PTMS: variants seen among roughly 807,000 people sequenced by gnomAD.
PTMS encodes parathymosin.
A neutral mutation model predicts 18.4 loss-of-function variants in PTMS; 5 were observed. The observed-to-expected ratio is 0.27, with a 90% CI of 0.14 to 0.57. The LOEUF (loss-of-function observed/expected upper bound fraction) is 0.57. Ranked by LOEUF, PTMS falls within the 20% of genes least tolerant of loss-of-function variation. The probability of loss-of-function intolerance (pLI) is 0.92; values close to 1 mark genes in which losing one functional copy is unlikely to be tolerated. For missense variants in PTMS, 93 were observed against 124.6 expected, an observed-to-expected ratio of 0.75 and a Z score of 1.21; for synonymous variants, 53 against 47.7, an observed-to-expected ratio of 1.11 and a Z score of -0.46.
rs780541728 is a variant in PTMS at position 6,770,265 on chromosome 12, G to A, written c.258+47G>A. 8 of 1,611,926 alleles carry A rather than the reference G, an allele frequency of 5.0e-6. No individual in the cohort carries two copies. The highest frequency in any genetic ancestry group is 3.3e-5 in the Admixed American group (2 of 60,022). Reference sequence around the variant, plus strand: ...CTGAGGGGCTGTCAGGGATGCAGCCGGGCTGGGCGCCCTTTGGATTTGGAC... The same window carrying A: ...CTGAGGGGCTGTCAGGGATGCAGCCAGGCTGGGCGCCCTTTGGATTTGGAC... On this transcript the variant is annotated intron_variant, in intron 4 of 4. Transcript: ENST00000309083. The surrounding 1 kb of genome is among the most constrained non-coding windows in gnomAD (Gnocchi z 7.3).
chr12:6,770,189 C>G lies in PTMS; in HGVS notation c.229C>G (p.Pro77Ala), dbSNP rs201009829. The change falls in exon 4 of 5, where the codon CCC (proline) becomes GCC (alanine). Residue 77 changes from proline to alanine, a missense_variant. Transcript: ENST00000309083. The surrounding 1 kb of genome is among the most constrained non-coding windows in gnomAD (Gnocchi z 7.3). ...AGAAGAAGAAGAGGATGATGAAGGG[C>G]CCGCGCTGAAGAGAGCTGCCGAAGA... is the stretch of plus-strand genomic sequence containing the variant. ...EEEEEEDDEG[P>A]ALKRAAEEED... The G allele has an allele frequency of 8.1e-6, 13 of 1,614,144 alleles. No homozygotes were observed. In the African/African-American group the frequency reaches 1.6e-4, roughly 20 times the overall value.
rs1405768095 is a variant in PTMS at position 6,770,351 on chromosome 12, C to T, written c.259-41C>T. 5.0e-6 allele frequency: 8 copies of T among 1,612,434 alleles called. No individual in the cohort carries two copies. The highest frequency in any genetic ancestry group is 6.8e-6 in the Non-Finnish European group (8 of 1,178,546). ...AGGACCGGGACAGGGGGAGGTCTCC[C>T]CTCCCATTTTACAGCTCCCCCATTC... On this transcript the variant is annotated intron_variant, in intron 4 of 4. Transcript: ENST00000309083. The surrounding 1 kb of genome is among the most constrained non-coding windows in gnomAD (Gnocchi z 7.3).
chr12:6,766,575 G>A lies in PTMS; in HGVS notation c.-131G>A, dbSNP rs1469557086. 7.9e-6 allele frequency: 3 copies of A among 377,624 alleles called. No homozygotes were observed. Among genetic ancestry groups the A allele is most frequent in the Non-Finnish European group, 1.2e-5 (3 of 248,238 alleles). 23.4% of individuals were successfully genotyped at this position (377,624 alleles called of 1,614,324 possible). On this transcript the variant is annotated 5_prime_UTR_variant, in exon 1 of 5. Coordinates refer to ENST00000309083, the MANE Select transcript of PTMS (RefSeq NM_002824.6). ...AGACCCAGCTTGCCGAGCGGCCGCC[G>A]CTGCCGCTGTCGCCGCCGCCGCCGC...
At chr12:6,766,805 G>T (rs1261829679) in intron 1 of PTMS, 55 bp downstream of exon 1, 1 of 1,034,142 alleles carries the variant, frequency 9.7e-7, no homozygotes, top group African/African-American at 1.7e-5. Context: ...GGCCCGGCGC[G>T]GTCCTTCGCC....
At position 6,770,552 on chromosome 12, in the gene PTMS, C is replaced by A; in HGVS notation, c.*110C>A. Reference sequence around the variant, plus strand: ...TGGCTCCCTGCTCTGGGCCCTGCACCAGAGCTGCCACCCTCTTCTTTCTCC... The same window carrying A: ...TGGCTCCCTGCTCTGGGCCCTGCACAAGAGCTGCCACCCTCTTCTTTCTCC... On this transcript the variant is annotated 3_prime_UTR_variant, in exon 5 of 5. Coordinates refer to ENST00000309083, the MANE Select transcript of PTMS (RefSeq NM_002824.6). The surrounding 1 kb of genome is among the most constrained non-coding windows in gnomAD (Gnocchi z 7.3). 1 of 1,275,084 alleles carries A rather than the reference C, an allele frequency of 7.8e-7. No homozygotes were observed. The highest frequency in any genetic ancestry group is 1.1e-6 in the Non-Finnish European group (1 of 881,386). 79.0% of individuals were successfully genotyped at this position (1,275,084 alleles called of 1,614,324 possible).
At chr12:6,766,887 C>G in intron 1 of PTMS, 137 bp downstream of exon 1, 1 of 449,660 alleles carries the variant, frequency 2.2e-6, no homozygotes, top group Non-Finnish European at 3.0e-6. Flanking sequence ...GCCCTCCCAC[C>G]GCTCCCCGGC....
At position 6,769,640 on chromosome 12, in the gene PTMS, C is replaced by A; in HGVS notation, c.83C>A (p.Ala28Glu). Residue 28 changes from alanine (A) to glutamate (E), a missense_variant, in exon 2 of 5, where the codon GCA becomes GAA. Ala to Glu is a moderately radical substitution (Grantham distance 107). Transcript: ENST00000309083. Reference sequence around the variant, plus strand: ...AAGAAGGAGAAGGTGGAGGAGAAGGCAAGCCGGAAAGAGCGAAAGAAAGAA... The same window carrying A: ...AAGAAGGAGAAGGTGGAGGAGAAGGAAAGCCGGAAAGAGCGAAAGAAAGAA... ...KEKKEKVEEK[A>E]SRKERKKEVV... is the part of the protein sequence containing the mutation. 6.2e-7 allele frequency: 1 copy of A among 1,613,860 alleles called. No homozygotes were observed. The highest frequency in any genetic ancestry group is 1.1e-5 in the South Asian group (1 of 91,074).
Position 6,766,443 on chromosome 12 carries a change from C to A in PTMS, c.-263C>A. ...CTACCGCGGCCGAGCGCGCCGGCCA[C>A]CGCCTGCACCGCCCTTCCGCCCGCC... On this transcript the variant is annotated 5_prime_UTR_variant, in exon 1 of 5. Transcript: ENST00000309083. 4.8e-6 allele frequency: 1 copy of A among 209,432 alleles called. No individual in the cohort carries two copies. The highest frequency in any genetic ancestry group is 9.5e-6 in the Non-Finnish European group (1 of 105,120). The allele number at this position is 209,432 out of a possible 1,614,324, so 13.0% of individuals were successfully genotyped here.
chr12:6,766,520 C>A lies in PTMS; in HGVS notation c.-186C>A. The stretch of plus-strand genomic sequence containing the variant: ...CTCCGCTCCAGACCCACCCCCGCCC[C>A]ACCCCGCGCGCCTCTGCCGCCTCTT... On this transcript the variant is annotated 5_prime_UTR_variant, in exon 1 of 5. Transcript: ENST00000309083. 3.9e-6 allele frequency: 1 copy of A among 256,080 alleles called. No homozygotes were observed. The highest frequency in any genetic ancestry group is 3.6e-5 in the South Asian group (1 of 27,578). The allele number at this position is 256,080 out of a possible 1,614,324, so 15.9% of individuals were successfully genotyped here.
At chr12:6,767,535 G>A (rs1941783128) in intron 1 of PTMS, 1 of 148,486 alleles carries the variant, frequency 6.7e-6, no homozygotes. Context: ...GTGTCGCTTT[G>A]GGAAATTAAC....
At position 6,769,302 on chromosome 12, in the gene PTMS, C is replaced by T. The variant is rs565223516; in HGVS notation, c.46-301C>T. 6.9e-6 allele frequency: 3 copies of T among 435,878 alleles called. No homozygotes were observed. In the South Asian group the frequency reaches 7.5e-5, roughly 11 times the overall value. The allele number at this position is 435,878 out of a possible 1,614,324, so 27.0% of individuals were successfully genotyped here. ...AGGATTTGCTTTGCTGAGCTGAACT[C>T]TTCAGCCAGTGAGGTTTGGGAGAAC... On this transcript the variant is annotated intron_variant, in intron 1 of 4. Coordinates refer to ENST00000309083, the MANE Select transcript of PTMS (RefSeq NM_002824.6).
chr12:6,766,775 C>G lies in PTMS; in HGVS notation c.45+25C>G, dbSNP rs1001362615. On this transcript the variant is annotated intron_variant, in intron 1 of 4. Transcript: ENST00000309083. ...GGTACGGGCGGGGGCGGCGGCGGCC[C>G]GGACCTCGCGCAGCCCTGGGGCCCG... 150 of 1,060,572 alleles carry G rather than the reference C, an allele frequency of 1.4e-4. 1 individual carries two copies. In the East Asian group the frequency reaches 7.8e-3, roughly 55 times the overall value. The allele number at this position is 1,060,572 out of a possible 1,614,324, so 65.7% of individuals were successfully genotyped here.
At position 6,766,736 on chromosome 12, in the gene PTMS, G is replaced by A; in HGVS notation, c.31G>A (p.Glu11Lys). Residue 11 changes from glutamate to lysine, a missense_variant, in exon 1 of 5, where the codon GAG (glutamate) becomes AAG (lysine). By Grantham distance (56) the Glu-to-Lys change is moderately conservative. Coordinates refer to ENST00000309083, the MANE Select transcript of PTMS (RefSeq NM_002824.6). ...GGAGAAAAGCGTGGAGGCAGCGGCCGAGTTGAGCGCCAAGGTACGGGCGGG... is the reference window on the plus strand; with the variant it reads ...GGAGAAAAGCGTGGAGGCAGCGGCCAAGTTGAGCGCCAAGGTACGGGCGGG... MSEKSVEAAA[E>K]LSAKDLKEKK... 1 of 1,096,400 alleles carries A rather than the reference G, an allele frequency of 9.1e-7. No homozygotes were observed. Among genetic ancestry groups the A allele is most frequent in the Non-Finnish European group, 1.1e-6 (1 of 902,152 alleles). 67.9% of individuals were successfully genotyped at this position (1,096,400 alleles called of 1,614,324 possible). A position where few individuals can be genotyped will look rare whatever the true frequency, so the allele number is the denominator to read the frequency against.
At position 6,770,450 on chromosome 12, in the gene PTMS, C is replaced by T; in HGVS notation, c.*8C>T. ...AATGGGGCATCGGCGTGAGCCCCTG[C>T]CAACAGGCTGGGGTTGGGAGGCCTC... On this transcript the variant is annotated 3_prime_UTR_variant, in exon 5 of 5. Transcript: ENST00000309083. This position sits in a 1 kb window ranked among gnomAD's most constrained non-coding sequence, Gnocchi z 7.3. 1 of 1,613,346 alleles carries T rather than the reference C, an allele frequency of 6.2e-7. No homozygotes were observed. The highest frequency in any genetic ancestry group is 1.1e-5 in the South Asian group (1 of 91,044).
chr12:6,766,908 T>C (rs1411158627), intron 1 of PTMS, among the ~76,000 whole-genome samples, 158 bp downstream of exon 1: 2 of 146,786 alleles, frequency 1.4e-5, no homozygotes, highest in Non-Finnish European at 3.0e-5. Flanking sequence ...CCGGAGCTCC[T>C]TTCCCGGCTC....
chr12:6,770,277 C>A lies in PTMS; in HGVS notation c.258+59C>A. 2 of 1,611,914 alleles carry A rather than the reference C, an allele frequency of 1.2e-6. No homozygotes were observed. The highest frequency in any genetic ancestry group is 1.7e-6 in the Non-Finnish European group (2 of 1,178,052). ...CAGGGATGCAGCCGGGCTGGGCGCCCTTTGGATTTGGACCCAGATCCCTGT... is the reference window on the plus strand; with the variant it reads ...CAGGGATGCAGCCGGGCTGGGCGCCATTTGGATTTGGACCCAGATCCCTGT... On this transcript the variant is annotated intron_variant, in intron 4 of 4. Coordinates refer to ENST00000309083, the MANE Select transcript of PTMS (RefSeq NM_002824.6). The surrounding 1 kb of genome is among the most constrained non-coding windows in gnomAD (Gnocchi z 7.3).
chr12:6,766,399 C>T lies in PTMS; in HGVS notation c.-307C>T, dbSNP rs1047239180. 1.3e-5 allele frequency: 2 copies of T among 159,506 alleles called. No individual in the cohort carries two copies. The highest frequency in any genetic ancestry group is 2.7e-5 in the Non-Finnish European group (2 of 73,164). The allele number at this position is 159,506 out of a possible 1,614,324, so 9.9% of individuals were successfully genotyped here. A position where few individuals can be genotyped will look rare whatever the true frequency, so the allele number is the denominator to read the frequency against. ...GGCGGCAGCTCTGCTGGTGCGGGGG[C>T]GGCGAGCCCGGGATCGAGCTACCGC... On this transcript the variant is annotated 5_prime_UTR_variant, in exon 1 of 5. Transcript: ENST00000309083.
chr12:6,768,634 G>C (rs1018782804), intron 1 of PTMS, among the ~76,000 whole-genome samples: 8 of 152,328 alleles, frequency 5.3e-5, no homozygotes, highest in African/African-American at 1.9e-4. Flanking sequence ...CACTGTGCCT[G>C]CCAAGGAGTG....
In PTMS at chr12:6,769,972, G is replaced by A; in HGVS notation, c.169G>A (p.Glu57Lys). 1 of 1,554,360 alleles carries A rather than the reference G, an allele frequency of 6.4e-7. No homozygotes were observed. Among genetic ancestry groups the A allele is most frequent in the Non-Finnish European group, 8.7e-7 (1 of 1,148,220 alleles). ...AGAAGAAGAAACTGCCGAGGATGGA[G>A]AGGAGGAAGATGAAGGGGAAGAAGA... is the stretch of plus-strand genomic sequence containing the variant. ...EEEEETAEDG[E>K]EEDEGEEEDE... is the part of the protein sequence containing the mutation. Residue 57 changes from glutamate to lysine, a missense_variant, in exon 3 of 5, where the codon GAG becomes AAG. Transcript: ENST00000309083.
Sources: allele counts gnomAD v4.1 joint callset (sites outside exome capture counted in the v4.1 genomes callset), GRCh38; gene constraint gnomAD v4.1.1; non-coding constraint Gnocchi (gnomAD v3.1); transcripts MANE v1.5; gene names NCBI Gene and HGNC (gene_info 2026-07-23, HGNC 2026-07-21).